Variants in TMEM164 observed in about 807,000 individuals in gnomAD.
TMEM164 encodes RP13-360B22.2.
In TMEM164, 4 loss-of-function variants were observed where a neutral mutation model predicts 18.8. The observed-to-expected ratio is 0.21, with a 90% CI of 0.10 to 0.49. The LOEUF is 0.49. Among genes scored for constraint, TMEM164 ranks in the 20% least tolerant of loss-of-function variants. TMEM164 has a pLI of 0.98. For missense variants in TMEM164, 108 were observed against 239.9 expected (o/e 0.45, Z 3.63); for synonymous variants, 86 against 101.7 (o/e 0.85, Z 0.93).
intron 5 of TMEM164, among the ~76,000 whole-genome samples, chrX:110,154,113 T>TA (rs2066984093): frequency 8.9e-6 from 1 of 112,050 alleles, no homozygotes; most frequent in African/African-American, 3.3e-5. Flanking sequence ...AAACCACAGT[T>TA]ACATTAGCAG....
chrX:110,158,668 G>A (rs941449814), intron 5 of TMEM164, among the ~76,000 whole-genome samples: 4 of 111,908 alleles, frequency 3.6e-5, no homozygotes, highest in Non-Finnish European at 7.5e-5. Flanking sequence ...AATATAATGT[G>A]GCTAGATGTG....
At position 110,173,756 on chromosome X, in the gene TMEM164, G is replaced by A. The variant is rs2067260218; in HGVS notation, c.*305G>A. The A allele has an allele frequency of 2.5e-5, 7 of 285,387 alleles. No individual in the cohort carries two copies. The South Asian group carries it at 5.1e-4, about 21-fold the overall frequency. 23.5% of individuals were successfully genotyped at this position (285,387 alleles called of 1,213,427 possible). On this transcript the variant is annotated 3_prime_UTR_variant, in exon 7 of 7. Transcript: ENST00000372068. ...AGCGGCTCTTTCACTCTGCTTGTCGGTGCTTTAACAACAGCTGGTTGAGGA... is the reference window on the plus strand; with the variant it reads ...AGCGGCTCTTTCACTCTGCTTGTCGATGCTTTAACAACAGCTGGTTGAGGA...
intron 4 of TMEM164, among the ~76,000 whole-genome samples, chrX:110,123,952 A>C (rs1051473496): frequency 5.4e-5 from 6 of 110,950 alleles, no homozygotes; most frequent in South Asian, 3.8e-4. Context: ...CTCTACCAAA[A>C]TTTTTTTTAA....
At chrX:110,105,371 TG>T (rs2066174556) in intron 3 of TMEM164, among the ~76,000 whole-genome samples, 1 of 110,893 alleles carries the variant, frequency 9.0e-6, no homozygotes, top group South Asian at 3.8e-4. Flanking sequence ...TGGTTCCTAT[TG>T]TACAGATGAG....
At chrX:110,086,680 G>GTT (rs746446176) in intron 3 of TMEM164, among the ~76,000 whole-genome samples, 1 of 93,510 alleles carries the variant, frequency 1.1e-5, no homozygotes, top group South Asian at 4.0e-4. Context: ...ATATATGTGT[G>GTT]TGTGTGTGTA....
rs757208181 is a variant in TMEM164, at chrX:110,149,150, C to G, written c.586+4274C>G. On this transcript the variant is annotated intron_variant, in intron 5 of 6. Coordinates refer to ENST00000372068, the MANE Select transcript of TMEM164 (RefSeq NM_032227.4). ...CCCCATAATATCCATGAGATTGTGG[C>G]TTTGATTTACTGGTTATCTATTTTA... Among the ~76,000 whole-genome samples, 4 of 110,151 alleles carry G rather than the reference C, an allele frequency of 3.6e-5. No homozygotes were observed. In the East Asian group the frequency reaches 1.1e-3, roughly 31 times the overall value.
chrX:110,164,071 GAA>G lies in TMEM164; in HGVS notation c.587-7347_587-7346del, dbSNP rs1228601197. 1.8e-5 allele frequency among the ~76,000 whole-genome samples: 2 copies of G among 112,250 alleles called. 1 individual carries two copies. Among genetic ancestry groups the G allele is most frequent in the East Asian group, 5.6e-4 (2 of 3,576 alleles). On this transcript the variant is annotated intron_variant, in intron 5 of 6. Transcript: ENST00000372068. ...AGCGTGACAGAGTGAATGGACTGGG[GAA>G]ATACAGTATGATTGCCTGGCAACAT...
chrX:110,079,459 TATG>T (rs1420150938), intron 3 of TMEM164, among the ~76,000 whole-genome samples: 1 of 112,136 alleles, frequency 8.9e-6, no homozygotes, highest in Non-Finnish European at 1.9e-5. Context: ...TAGACATTGC[TATG>T]ATTGTACTTT....
chrX:110,076,978 G>C (rs182092167), intron 3 of TMEM164, among the ~76,000 whole-genome samples: 25 of 112,119 alleles, frequency 2.2e-4, no homozygotes, highest in African/African-American at 7.8e-4. Context: ...GGTCCAATTG[G>C]TTAACTGTCA....
intron 3 of TMEM164, among the ~76,000 whole-genome samples, chrX:110,084,464 G>GTATA (rs572080956): frequency 1.6e-5 from 1 of 61,766 alleles, no homozygotes; most frequent in African/African-American, 5.3e-5. Flanking sequence ...ATATAGTATA[G>GTATA]TATATATATA....
At chrX:110,077,964 A>C (rs190880333) in intron 3 of TMEM164, among the ~76,000 whole-genome samples, 1 of 111,614 alleles carries the variant, frequency 9.0e-6, no homozygotes, top group East Asian at 2.8e-4. Flanking sequence ...AGTATCTTGC[A>C]GGAGTTCTCT....
intron 5 of TMEM164, among the ~76,000 whole-genome samples, chrX:110,167,998 G>C (rs1168622815): frequency 1.8e-5 from 2 of 112,003 alleles, no homozygotes; most frequent in Non-Finnish European, 3.8e-5. Flanking sequence ...TCCTGGCTGA[G>C]GACACCCCCC....
intron 2 of TMEM164, among the ~76,000 whole-genome samples, chrX:110,062,862 T>G (rs1013500886): frequency 1.8e-5 from 2 of 111,130 alleles, no homozygotes. Context: ...CATGGAAGGA[T>G]TTAAAATGGC....
chrX:110,015,335 T>C (rs758345081), intron 2 of TMEM164, among the ~76,000 whole-genome samples: 3 of 111,970 alleles, frequency 2.7e-5, no homozygotes, highest in Non-Finnish European at 5.6e-5. Flanking sequence ...GGTCATGTTT[T>C]CTATAACCTG....
intron 3 of TMEM164, among the ~76,000 whole-genome samples, chrX:110,101,572 T>C: frequency 9.4e-6 from 1 of 106,928 alleles, no homozygotes; most frequent in East Asian, 2.9e-4. Flanking sequence ...AAACTTTTGG[T>C]TTTATTGATT....
chrX:110,168,221 A>G (rs942406508), intron 5 of TMEM164, among the ~76,000 whole-genome samples: 1 of 112,908 alleles, frequency 8.9e-6, no homozygotes, highest in African/African-American at 3.2e-5. Context: ...CAGGGTGACA[A>G]CACGGTGCCC....
chrX:110,080,787 C>T (rs1484922928), intron 3 of TMEM164, among the ~76,000 whole-genome samples: 4 of 111,466 alleles, frequency 3.6e-5, no homozygotes, highest in South Asian at 3.7e-4. Flanking sequence ...GGTGCATTCA[C>T]GGCTCACTGC....
chrX:110,055,000 G>C, intron 2 of TMEM164, among the ~76,000 whole-genome samples: 1 of 111,321 alleles, frequency 9.0e-6, no homozygotes. Flanking sequence ...AAAGTCTCAT[G>C]AGCGAGACCA....
chrX:110,018,863 GTGAATGTGCTGTGAATATA>G (rs771740549), intron 2 of TMEM164, among the ~76,000 whole-genome samples: 1,789 of 112,082 alleles, frequency 0.016, 49 homozygotes, highest in African/African-American at 0.055. Flanking sequence ...AATAAGGTAT[GTGAATGTGCTGTGAATATA>G]TGAATGTGCT....
Sources: gnomAD v4.1 joint callset for allele counts (sites outside exome capture counted in the v4.1 genomes callset) on GRCh38, gnomAD v4.1.1 for gene constraint, MANE v1.5 for transcripts, NCBI Gene and HGNC (gene_info 2026-07-23, HGNC 2026-07-21) for gene names.